BTBD9: variants seen among roughly 807,000 people sequenced by gnomAD.
BTBD9 encodes BTB domain containing 9, also known as BTB/POZ domain-containing protein 9.
Under a neutral mutation model 64.3 loss-of-function variants are expected in BTBD9, and 49 were observed. The observed-to-expected ratio is 0.76, with a 90% CI of 0.61 to 0.97. The LOEUF (loss-of-function observed/expected upper bound fraction) is 0.97. Among genes scored for constraint, BTBD9 ranks in the 50% least tolerant of loss-of-function variants. BTBD9 has a pLI of 0.00. For synonymous variants in BTBD9, 260 were observed against 274.7 expected, an observed-to-expected ratio of 0.95 and a Z score of 0.53; for missense variants, 598 against 762.1, an observed-to-expected ratio of 0.78 and a Z score of 2.53.
chr6:38,274,264 TTA>T (rs1765297159), intron 8 of BTBD9, among the ~76,000 whole-genome samples: 1 of 152,236 alleles, frequency 6.6e-6, no homozygotes, highest in Non-Finnish European at 1.5e-5. Flanking sequence ...GCTTATCAGC[TTA>T]AGGAGATTTT....
intron 6 of BTBD9, among the ~76,000 whole-genome samples, chr6:38,483,999 T>C (rs1400755489): frequency 6.6e-6 from 1 of 152,254 alleles, no homozygotes; most frequent in African/African-American, 2.4e-5. Flanking sequence ...TAAACTGCGT[T>C]AAGCAACAAC....
intron 6 of BTBD9, among the ~76,000 whole-genome samples, chr6:38,425,495 T>C (rs1768103975): frequency 6.6e-6 from 1 of 151,784 alleles, no homozygotes; most frequent in South Asian, 2.1e-4. Flanking sequence ...CATCTAAAAA[T>C]GAGAGGAATT....
intron 6 of BTBD9, among the ~76,000 whole-genome samples, chr6:38,421,455 T>C (rs1329533942): frequency 6.6e-6 from 1 of 152,256 alleles, no homozygotes; most frequent in East Asian, 1.9e-4. Flanking sequence ...ACATGTGTTT[T>C]GGTTTCAAAA....
intron 9 of BTBD9, among the ~76,000 whole-genome samples, chr6:38,248,373 A>G (rs1282572898): frequency 5.9e-5 from 9 of 152,214 alleles, no homozygotes; most frequent in Admixed American, 5.9e-4. Context: ...TCATTACCTA[A>G]TTCTTTTTAT....
intron 10 of BTBD9, among the ~76,000 whole-genome samples, chr6:38,187,958 T>C (rs1381307969): frequency 6.6e-6 from 1 of 152,154 alleles, no homozygotes; most frequent in Non-Finnish European, 1.5e-5. Context: ...CACTGTCACC[T>C]GAGAGCTGGA....
At chr6:38,269,067 T>C (rs1172214651) in intron 8 of BTBD9, among the ~76,000 whole-genome samples, 1 of 152,218 alleles carries the variant, frequency 6.6e-6, no homozygotes, top group African/African-American at 2.4e-5. Flanking sequence ...CTATAATAAG[T>C]TGCAAGTGCT....
intron 6 of BTBD9, among the ~76,000 whole-genome samples, chr6:38,466,589 C>T (rs536868611): frequency 2.1e-3 from 313 of 152,006 alleles, no homozygotes; most frequent in Middle Eastern, 6.8e-3. Context: ...CTACCGCACC[C>T]GGCCCTTTTT....
At chr6:38,236,374 T>C (rs1023918791) in intron 9 of BTBD9, among the ~76,000 whole-genome samples, 3 of 152,208 alleles carry the variant, frequency 2.0e-5, no homozygotes, top group African/African-American at 7.2e-5. Context: ...AGACTACTGG[T>C]CTGTGACATC....
chr6:38,217,806 G>A (rs1763062377), intron 9 of BTBD9, among the ~76,000 whole-genome samples: 1 of 151,258 alleles, frequency 6.6e-6, no homozygotes, highest in South Asian at 2.1e-4. Context: ...AGTCTCTGCT[G>A]TCACACCTGG....
chr6:38,579,629 A>T (rs1226879190), intron 5 of BTBD9, among the ~76,000 whole-genome samples: 1 of 152,226 alleles, frequency 6.6e-6, no homozygotes, highest in Admixed American at 6.5e-5. Context: ...TCTACACACT[A>T]AAAGACATTA....
At chr6:38,471,220 T>C in intron 6 of BTBD9, among the ~76,000 whole-genome samples, 1 of 152,172 alleles carries the variant, frequency 6.6e-6, no homozygotes, top group East Asian at 1.9e-4. Flanking sequence ...AAAGCTCAGC[T>C]CTGGGTGACC....
intron 6 of BTBD9, among the ~76,000 whole-genome samples, chr6:38,431,889 G>A (rs1768460220): frequency 6.6e-6 from 1 of 151,914 alleles, no homozygotes; most frequent in Admixed American, 6.6e-5. Flanking sequence ...CTGCGACATG[G>A]CCTACAGGGG....
At chr6:38,500,240 G>A (rs977436977) in intron 6 of BTBD9, among the ~76,000 whole-genome samples, 1 of 151,426 alleles carries the variant, frequency 6.6e-6, no homozygotes, top group Non-Finnish European at 1.5e-5. Flanking sequence ...GATGGAGGGG[G>A]GAGGAAAAGG....
At chr6:38,412,557 T>TAA (rs775919553) in intron 6 of BTBD9, among the ~76,000 whole-genome samples, 4 of 138,258 alleles carry the variant, frequency 2.9e-5, no homozygotes, top group Non-Finnish European at 3.2e-5. Context: ...TGGACTACAT[T>TAA]AAAAAAAAAA....
chr6:38,319,380 T>A (rs1299917949), intron 7 of BTBD9, among the ~76,000 whole-genome samples: 5 of 152,094 alleles, frequency 3.3e-5, no homozygotes, highest in African/African-American at 7.2e-5. Flanking sequence ...CCACCACAGC[T>A]GCGAATATGC....
intron 6 of BTBD9, among the ~76,000 whole-genome samples, chr6:38,468,674 G>T (rs78602069): frequency 0.023 from 3,495 of 152,196 alleles, 76 homozygotes; most frequent in East Asian, 0.095. Flanking sequence ...GTTTCCCTAG[G>T]ATAGTCCTTT....
intron 6 of BTBD9, among the ~76,000 whole-genome samples, chr6:38,469,492 T>G (rs1326567421): frequency 1.3e-5 from 2 of 152,056 alleles, no homozygotes; most frequent in Non-Finnish European, 2.9e-5. Context: ...GCTAATTTTT[T>G]TGTATTTTTA....
chr6:38,320,101 C>G (rs1021473803), intron 7 of BTBD9, among the ~76,000 whole-genome samples: 4 of 152,228 alleles, frequency 2.6e-5, no homozygotes, highest in African/African-American at 9.6e-5. Flanking sequence ...CACTCTCCCC[C>G]TCCCCCAAAT....
In BTBD9 at chr6:38,272,191, T is replaced by C. The variant is rs374764544; in HGVS notation, c.1455-15675A>G. Among the ~76,000 whole-genome samples the C allele has an allele frequency of 2.0e-5, 3 of 152,242 alleles. No individual in the cohort carries two copies. In the East Asian group the frequency reaches 5.8e-4, roughly 29 times the overall value. On this transcript the variant is annotated intron_variant, in intron 8 of 10. Coordinates refer to ENST00000481247, the MANE Select transcript of BTBD9 (RefSeq NM_001099272.2). ...AAATTACAGAGACATTTAAAGTCAA[T>C]AAACAATATGTCAAAAAAATAAAGT...
Sources: gnomAD v4.1 joint callset for allele counts (sites outside exome capture counted in the v4.1 genomes callset) on GRCh38, gnomAD v4.1.1 for gene constraint, MANE v1.5 for transcripts, NCBI Gene and HGNC (gene_info 2026-07-23, HGNC 2026-07-21) for gene names.